The following MAP2K5 variants were observed in gnomAD, a reference collection of about 807,000 sequenced individuals.
The protein encoded by MAP2K5 is dual specificity mitogen-activated protein kinase kinase 5.
MAP2K5 carries 49 observed loss-of-function variants against 83.1 expected under a neutral mutation model. The observed-to-expected ratio is 0.59, with a 90% CI of 0.47 to 0.75. MAP2K5 has a LOEUF of 0.75. MAP2K5 is among the 30% of genes least tolerant of loss of function. MAP2K5 has a pLI of 0.00. For missense variants in MAP2K5, 457 were observed against 557.5 expected, an observed-to-expected ratio of 0.82 and a Z score of 1.82; for synonymous variants, 202 against 191.8, an observed-to-expected ratio of 1.05 and a Z score of -0.44.
At chr15:67,704,682 G>C (rs1170458066) in intron 16 of MAP2K5, among the ~76,000 whole-genome samples, 1 of 152,158 alleles carries the variant, frequency 6.6e-6, no homozygotes, top group Non-Finnish European at 1.5e-5. Context: ...AGAGGTTAGC[G>C]ATAATGGTGG....
chr15:67,553,597 C>A (rs1157496085), intron 2 of MAP2K5, among the ~76,000 whole-genome samples: 1 of 152,036 alleles, frequency 6.6e-6, no homozygotes, highest in East Asian at 1.9e-4. Flanking sequence ...GAAATCCGAA[C>A]CAATAAATGG....
Position 67,783,477 on chromosome 15 carries a change from G to C in MAP2K5, c.1242+10725G>C, listed in dbSNP as rs1373681058. On this transcript the variant is annotated intron_variant, in intron 21 of 21. Transcript: ENST00000178640. The surrounding 1 kb of genome is among the most constrained non-coding windows in gnomAD (Gnocchi z 5.1). ...ACTTCTCCACCTCCGAAACCCAACT[G>C]GCACAACCTCTGTGAAGCTTTGCTA... Among the ~76,000 whole-genome samples, 1 of 152,144 alleles carries C rather than the reference G, an allele frequency of 6.6e-6. No individual in the cohort carries two copies. Among genetic ancestry groups the C allele is most frequent in the Non-Finnish European group, 1.5e-5 (1 of 68,034 alleles).
chr15:67,721,488 G>T (rs150005821), intron 16 of MAP2K5, among the ~76,000 whole-genome samples: 2 of 152,266 alleles, frequency 1.3e-5, no homozygotes, highest in South Asian at 2.1e-4. Context: ...GGCACTTTTC[G>T]TATAGGCATA....
rs552872823 is a variant in MAP2K5, at chr15:67,699,435, C to T, written c.973-3902C>T. Among the ~76,000 whole-genome samples the T allele has an allele frequency of 1.1e-4, 17 of 152,220 alleles. No homozygotes were observed. The East Asian group carries it at 1.3e-3, about 12-fold the overall frequency. ...AAAACTGCTCCTCTTCCCCCAGTCC[C>T]GGGAAACTGAAGAGGAGGCATCTGG... On this transcript the variant is annotated intron_variant, in intron 15 of 21. Transcript: ENST00000178640.
intron 6 of MAP2K5, among the ~76,000 whole-genome samples, chr15:67,591,150 G>T (rs1301793112): frequency 6.6e-6 from 1 of 151,924 alleles, no homozygotes; most frequent in East Asian, 2.0e-4. Flanking sequence ...TTTGAGACCA[G>T]CCTGGCCAAC....
chr15:67,587,582 C>T lies in MAP2K5; in HGVS notation c.431+669C>T, dbSNP rs139349039. On this transcript the variant is annotated intron_variant, in intron 6 of 21. Coordinates refer to ENST00000178640, the MANE Select transcript of MAP2K5 (RefSeq NM_145160.3). This position sits in a 1 kb window ranked among gnomAD's most constrained non-coding sequence, Gnocchi z 4.8. ...GAATGCACTTTATCAGCCAACGCAG[C>T]TCCTTCCCTTTTTTACTTGGCTACA... Among the ~76,000 whole-genome samples the T allele has an allele frequency of 2.0e-5, 3 of 152,142 alleles. No homozygotes were observed. Among genetic ancestry groups the T allele is most frequent in the Non-Finnish European group, 4.4e-5 (3 of 68,036 alleles).
At chr15:67,633,094 A>G (rs1484025839) in intron 9 of MAP2K5, among the ~76,000 whole-genome samples, 1 of 152,078 alleles carries the variant, frequency 6.6e-6, no homozygotes, top group Non-Finnish European at 1.5e-5. Flanking sequence ...GTGTCATACC[A>G]CCTTGGTGCT....
chr15:67,723,180 A>G (rs1391737493), intron 16 of MAP2K5, among the ~76,000 whole-genome samples: 34 of 152,188 alleles, frequency 2.2e-4, no homozygotes, highest in Non-Finnish European at 1.5e-5. Context: ...AACAAAAGCC[A>G]TTCTGTTGCT....
Position 67,806,946 on chromosome 15 carries a change from A to G in MAP2K5, c.*196A>G, listed in dbSNP as rs2090824425. ...GCCCACCCCACCAGGCCATCCCCAT[A>G]CCTTCTGGTTTGAAGGCGCTGACAC... On this transcript the variant is annotated 3_prime_UTR_variant, in exon 22 of 22. Coordinates refer to ENST00000178640, the MANE Select transcript of MAP2K5 (RefSeq NM_145160.3). 6.4e-7 allele frequency: 1 copy of G among 1,566,922 alleles called. No individual in the cohort carries two copies. The highest frequency in any genetic ancestry group is 8.6e-7 in the Non-Finnish European group (1 of 1,164,446).
chr15:67,600,022 TA>T (rs1026297607), intron 7 of MAP2K5, among the ~76,000 whole-genome samples: 1 of 152,218 alleles, frequency 6.6e-6, no homozygotes, highest in African/African-American at 2.4e-5. Flanking sequence ...AAAATGACTT[TA>T]ATAAAAATTA....
chr15:67,564,631 G>C (rs1173280793), intron 3 of MAP2K5, among the ~76,000 whole-genome samples: 1 of 152,228 alleles, frequency 6.6e-6, no homozygotes, highest in African/African-American at 2.4e-5. Context: ...ACTTATGTGA[G>C]AGTCTTTGTG....
intron 21 of MAP2K5, among the ~76,000 whole-genome samples, chr15:67,804,483 C>A (rs1295343820): frequency 6.6e-6 from 1 of 152,248 alleles, no homozygotes; most frequent in East Asian, 1.9e-4. Flanking sequence ...GGCATCTCCA[C>A]CGGAGCTGAG....
In MAP2K5 at chr15:67,637,205, T is replaced by C. The variant is rs1039221862; in HGVS notation, c.585+6278T>C. On this transcript the variant is annotated intron_variant, in intron 9 of 21. Coordinates refer to ENST00000178640, the MANE Select transcript of MAP2K5 (RefSeq NM_145160.3). The surrounding 1 kb of genome is among the most constrained non-coding windows in gnomAD (Gnocchi z 4.5). ...TCCTCAGCTTGCAGATGGCCTATTG[T>C]GGGACTTCACCTTGTCATCCTGTGA... is the stretch of plus-strand genomic sequence containing the variant. Among the ~76,000 whole-genome samples the C allele has an allele frequency of 2.6e-5, 4 of 152,212 alleles. No homozygotes were observed. Among genetic ancestry groups the C allele is most frequent in the Admixed American group, 1.3e-4 (2 of 15,284 alleles).
At chr15:67,606,947 C>T (rs1346260372) in intron 8 of MAP2K5, among the ~76,000 whole-genome samples, 2 of 152,196 alleles carry the variant, frequency 1.3e-5, no homozygotes, top group African/African-American at 2.4e-5. Flanking sequence ...CTTTCACCAA[C>T]CAACCTGAAG....
intron 8 of MAP2K5, chr15:67,629,111 C>T: frequency 1.4e-6 from 1 of 733,992 alleles, no homozygotes; most frequent in Non-Finnish European, 2.5e-6. Flanking sequence ...GCAGCAGTAG[C>T]TACGGCAGTG....
At chr15:67,705,236 C>G (rs779233024) in intron 16 of MAP2K5, among the ~76,000 whole-genome samples, 20 of 152,184 alleles carry the variant, frequency 1.3e-4, no homozygotes, top group Non-Finnish European at 2.5e-4. Context: ...TTCATCCTTT[C>G]TACATTCATT....
intron 3 of MAP2K5, among the ~76,000 whole-genome samples, chr15:67,569,897 A>G (rs1340848610): frequency 6.6e-6 from 1 of 152,212 alleles, no homozygotes; most frequent in East Asian, 1.9e-4. Flanking sequence ...TGCTGTCTGC[A>G]TGGCCTGATA....
intron 17 of MAP2K5, among the ~76,000 whole-genome samples, chr15:67,743,844 G>A (rs1017578933): frequency 1.3e-5 from 2 of 152,216 alleles, no homozygotes; most frequent in Non-Finnish European, 2.9e-5. Context: ...GACTTCTCTA[G>A]CTCATTCCTT....
rs901659356 is a variant in MAP2K5, at chr15:67,783,391, G to A, written c.1242+10639G>A. Among the ~76,000 whole-genome samples, 3 of 152,140 alleles carry A rather than the reference G, an allele frequency of 2.0e-5. No individual in the cohort carries two copies. Among genetic ancestry groups the A allele is most frequent in the South Asian group, 2.1e-4 (1 of 4,828 alleles). ...CAAACTTCTGGCAGTCCCCAGATGCGTGAGGCATCCTCACACAGTCATGTC... is the reference window on the plus strand; with the variant it reads ...CAAACTTCTGGCAGTCCCCAGATGCATGAGGCATCCTCACACAGTCATGTC... On this transcript the variant is annotated intron_variant, in intron 21 of 21. Transcript: ENST00000178640. This position sits in a 1 kb window ranked among gnomAD's most constrained non-coding sequence, Gnocchi z 5.1.
Sources: gnomAD v4.1 joint callset for allele counts (sites outside exome capture counted in the v4.1 genomes callset) on GRCh38, gnomAD v4.1.1 for gene constraint, Gnocchi (gnomAD v3.1) non-coding constraint, MANE v1.5 for transcripts, NCBI Gene and HGNC (gene_info 2026-07-23, HGNC 2026-07-21) for gene names.